The following SHE variants were observed in gnomAD, a reference collection of about 807,000 sequenced individuals.
The protein encoded by SHE is SH2 domain-containing adapter protein E.
A neutral mutation model predicts 49.8 loss-of-function variants in SHE; 11 were observed. The observed-to-expected ratio is 0.22, with a 90% CI of 0.14 to 0.37. The LOEUF (loss-of-function observed/expected upper bound fraction) is 0.37. Among genes scored for constraint, SHE ranks in the 10% least tolerant of loss-of-function variants. The pLI, the probability that SHE is intolerant of heterozygous loss-of-function variation, is 1.00. For synonymous variants in SHE, 310 were observed against 278.1 expected (o/e 1.11, Z -1.14); for missense variants, 624 against 655.5 (o/e 0.95, Z 0.52).
chr1:154,488,396 C>T (rs1403830951), intron 3 of SHE, among the ~76,000 whole-genome samples: 1 of 151,626 alleles, frequency 6.6e-6, no homozygotes, highest in Non-Finnish European at 1.5e-5. Context: ...GTAGCTGGGA[C>T]TACAGGTGTA....
At chr1:154,497,516 CTT>C (rs1240744400) in intron 2 of SHE, among the ~76,000 whole-genome samples, 1 of 152,198 alleles carries the variant, frequency 6.6e-6, no homozygotes, top group Non-Finnish European at 1.5e-5. Flanking sequence ...TTTACATCAA[CTT>C]AAGAGAATTA....
Position 154,501,942 on chromosome 1 carries a change from C to A in SHE, c.85G>T (p.Gly29Cys). ...LACSTAPTLL[G>C]RAGRGPLMAA... is the part of the protein sequence containing the mutation. Reference sequence around the variant, plus strand: ...ATGAGGGGGCCCCGGCCGGCTCGGCCCAGGAGCGTCGGGGCCGTGGAGCAG... The same window carrying A: ...ATGAGGGGGCCCCGGCCGGCTCGGCACAGGAGCGTCGGGGCCGTGGAGCAG... The change falls in exon 1 of 6, where the codon GGC becomes TGC. Residue 29 changes from glycine (G) to cysteine (C), a missense_variant. Physicochemically the swap from Gly to Cys is radical, Grantham distance 159 (BLOSUM62 -3). Coordinates refer to ENST00000304760, the MANE Select transcript of SHE (RefSeq NM_001010846.3). 6.8e-7 allele frequency: 1 copy of A among 1,460,778 alleles called. No individual in the cohort carries two copies. 90.5% of individuals were successfully genotyped at this position (1,460,778 alleles called of 1,614,324 possible). A position where few individuals can be genotyped will look rare whatever the true frequency, so the allele number is the denominator to read the frequency against.
Position 154,483,419 on chromosome 1 carries a change from T to A in SHE, c.*730A>T. The A allele has an allele frequency of 8.1e-6, 8 of 985,422 alleles. No homozygotes were observed. The highest frequency in any genetic ancestry group is 9.6e-6 in the Non-Finnish European group (8 of 829,932). The allele number at this position is 985,422 out of a possible 1,614,324, so 61.0% of individuals were successfully genotyped here. A position where few individuals can be genotyped will look rare whatever the true frequency, so the allele number is the denominator to read the frequency against. ...CATTTCCCCAATAACGAGTCCAATA[T>A]AACATCCTCTTCCAGTCTGCACCAT... On this transcript the variant is annotated 3_prime_UTR_variant, in exon 6 of 6. Coordinates refer to ENST00000304760, the MANE Select transcript of SHE (RefSeq NM_001010846.3).
In SHE at chr1:154,502,126, T is replaced by A. The variant is rs2149303455; in HGVS notation, c.-100A>T. ...GCCCACGCCCGGCAGGGTGGGGTTC[T>A]CACGGCTCGGGGCGCCGAGCGGGCG... On this transcript the variant is annotated 5_prime_UTR_variant, in exon 1 of 6. Transcript: ENST00000304760. 2.0e-6 allele frequency: 2 copies of A among 1,007,148 alleles called. No homozygotes were observed. The highest frequency in any genetic ancestry group is 5.0e-5 in the South Asian group (1 of 20,176). The allele number at this position is 1,007,148 out of a possible 1,614,324, so 62.4% of individuals were successfully genotyped here. A position where few individuals can be genotyped will look rare whatever the true frequency, so the allele number is the denominator to read the frequency against.
Position 154,481,783 on chromosome 1 carries a change from T to C in SHE, c.*2366A>G, listed in dbSNP as rs891338133. On this transcript the variant is annotated 3_prime_UTR_variant, in exon 6 of 6. Coordinates refer to ENST00000304760, the MANE Select transcript of SHE (RefSeq NM_001010846.3). ...CTTTTAAAATCTTACACTAAAGATA[T>C]AGTAAATGAACCAATACACACTGAA... 2.0e-5 allele frequency: 19 copies of C among 969,182 alleles called. No homozygotes were observed. The highest frequency in any genetic ancestry group is 3.5e-5 in the African/African-American group (2 of 56,904). 60.0% of individuals were successfully genotyped at this position (969,182 alleles called of 1,614,324 possible). A position where few individuals can be genotyped will look rare whatever the true frequency, so the allele number is the denominator to read the frequency against.
downstream of SHE, among the ~76,000 whole-genome samples, chr1:154,477,193 T>C (rs1031964890): frequency 5.3e-5 from 8 of 152,136 alleles, no homozygotes; most frequent in Non-Finnish European, 1.2e-4. Flanking sequence ...GAAAACCCAA[T>C]TCCTTTTTCC....
In SHE at chr1:154,480,342, T is replaced by C; in HGVS notation, c.*3807A>G. ...AGGAGGGAGAAACAAGGGGCTAACC[T>C]TTGACTGAAAAAGGGCATCTGACAG... On this transcript the variant is annotated 3_prime_UTR_variant, in exon 6 of 6. Coordinates refer to ENST00000304760, the MANE Select transcript of SHE (RefSeq NM_001010846.3). The C allele has an allele frequency of 1.0e-6, 1 of 985,400 alleles. No homozygotes were observed. Among genetic ancestry groups the C allele is most frequent in the Non-Finnish European group, 1.2e-6 (1 of 829,926 alleles). 61.0% of individuals were successfully genotyped at this position (985,400 alleles called of 1,614,324 possible).
rs565147308 is a variant in SHE at position 154,488,500 on chromosome 1, C to T, written c.1024+551G>A. On this transcript the variant is annotated intron_variant, in intron 3 of 5. Coordinates refer to ENST00000304760, the MANE Select transcript of SHE (RefSeq NM_001010846.3). ...TCTTGAACTCCTGACCTCAAGTGAT[C>T]CGCCTGCCTCAGCTCCCAAAGTGCA... Among the ~76,000 whole-genome samples the T allele has an allele frequency of 3.3e-5, 5 of 152,268 alleles. 1 individual carries two copies. Among genetic ancestry groups the T allele is most frequent in the African/African-American group, 1.2e-4 (5 of 41,538 alleles).
At chr1:154,475,565 A>AT (rs1335496776), downstream of SHE, among the ~76,000 whole-genome samples, 2 of 152,144 alleles carry the variant, frequency 1.3e-5, no homozygotes, top group Admixed American at 6.5e-5. Context: ...TACATATTTA[A>AT]TTTTTTTAAA....
At chr1:154,472,199 T>G (rs1234868726) in intron 1 of SHE, among the ~76,000 whole-genome samples, 1 of 152,148 alleles carries the variant, frequency 6.6e-6, no homozygotes, top group Non-Finnish European at 1.5e-5. Flanking sequence ...TGCTGCTCTA[T>G]AAGAGTTTTT....
chr1:154,485,351 C>G (rs1296458682), intron 5 of SHE: 1 of 152,552 alleles, frequency 6.6e-6, no homozygotes, highest in Non-Finnish European at 1.5e-5. Context: ...GCTGTTAGGG[C>G]TCTTGACAAT....
chr1:154,489,211 C>T lies in SHE; in HGVS notation c.864G>A (p.Gln288=), dbSNP rs1204811922. The T allele has an allele frequency of 6.2e-7, 1 of 1,614,112 alleles. No individual in the cohort carries two copies. The highest frequency in any genetic ancestry group is 1.3e-5 in the African/African-American group (1 of 74,944). The part of the protein sequence containing the change: ...SSKDLLGKPP[Q]LYDTPYEPAE... ...CAGGCTCGTAGGGAGTGTCGTATAG[C>T]TGTGGCGGCTTCCCCAGGAGGTCCT... The change falls in exon 3 of 6, where the codon CAG becomes CAA. Residue 288 remains glutamine, a synonymous_variant. Coordinates refer to ENST00000304760, the MANE Select transcript of SHE (RefSeq NM_001010846.3).
At chr1:154,498,009 TA>T (rs1692589069) in intron 2 of SHE, among the ~76,000 whole-genome samples, 1 of 151,998 alleles carries the variant, frequency 6.6e-6, no homozygotes. Context: ...TACTGCTTAG[TA>T]ATTAAATTCT....
rs766001138 is a variant in SHE at position 154,501,406 on chromosome 1, G to A, written c.591+30C>T. 1.7e-5 allele frequency: 27 copies of A among 1,603,758 alleles called. No individual in the cohort carries two copies. In the South Asian group the frequency reaches 2.8e-4, roughly 16 times the overall value. ...GCGCCCAGGGCTCCCCTTCGACTGA[G>A]AGGTGGTCCAAGGGAGGCTGTATTC... On this transcript the variant is annotated intron_variant, in intron 1 of 5. Coordinates refer to ENST00000304760, the MANE Select transcript of SHE (RefSeq NM_001010846.3).
At position 154,501,852 on chromosome 1, in the gene SHE, C is replaced by T; in HGVS notation, c.175G>A (p.Gly59Arg). ...TTGCGCAATTTGCCGCCGCCGCCCC[C>T]GGGCTTGGCCCGCTCCGACACGGTC... is the stretch of plus-strand genomic sequence containing the variant. ...LKTVSERAKP[G>R]GGGGKLRKNS... Residue 59 changes from glycine (G) to arginine (R), a missense_variant, in exon 1 of 6, where the codon GGG becomes AGG. By Grantham distance (125) the Gly-to-Arg change is moderately radical. This residue lies in a region of SHE where 337 missense variants were observed against 306.0 expected (regional missense o/e 1.10). Coordinates refer to ENST00000304760, the MANE Select transcript of SHE (RefSeq NM_001010846.3). 1 of 1,538,426 alleles carries T rather than the reference C, an allele frequency of 6.5e-7. No individual in the cohort carries two copies. Among genetic ancestry groups the T allele is most frequent in the Non-Finnish European group, 8.7e-7 (1 of 1,149,056 alleles).
chr1:154,501,970 G>C lies in SHE; in HGVS notation c.57C>G (p.Leu19=), dbSNP rs773633432. 4 of 1,424,750 alleles carry C rather than the reference G, an allele frequency of 2.8e-6. No individual in the cohort carries two copies. The South Asian group carries it at 5.9e-5, about 21-fold the overall frequency. 88.3% of individuals were successfully genotyped at this position (1,424,750 alleles called of 1,614,324 possible). A position where few individuals can be genotyped will look rare whatever the true frequency, so the allele number is the denominator to read the frequency against. Residue 19 remains leucine (L), a synonymous_variant, in exon 1 of 6, where the codon CTC becomes CTG. Coordinates refer to ENST00000304760, the MANE Select transcript of SHE (RefSeq NM_001010846.3). The part of the protein sequence containing the change: ...ASACLGWASS[L]ACSTAPTLLG... The stretch of plus-strand genomic sequence containing the variant: ...GGAGCGTCGGGGCCGTGGAGCAGGC[G>C]AGCGAGGAAGCCCAGCCCAGACACG...
In SHE at chr1:154,502,043, G is replaced by A. The variant is rs1692798083; in HGVS notation, c.-17C>T. 6.3e-6 allele frequency: 8 copies of A among 1,276,462 alleles called. No homozygotes were observed. Among genetic ancestry groups the A allele is most frequent in the Non-Finnish European group, 7.9e-6 (8 of 1,015,364 alleles). 79.1% of individuals were successfully genotyped at this position (1,276,462 alleles called of 1,614,324 possible). On this transcript the variant is annotated 5_prime_UTR_variant, in exon 1 of 6. Coordinates refer to ENST00000304760, the MANE Select transcript of SHE (RefSeq NM_001010846.3). Reference sequence around the variant, plus strand: ...CCACTGCATTCCCCGTGACTGGGGCGCTGGAGGCCGCGGCGAGGCCCCGCG... The same window carrying A: ...CCACTGCATTCCCCGTGACTGGGGCACTGGAGGCCGCGGCGAGGCCCCGCG...
Position 154,501,524 on chromosome 1 carries a change from C to A in SHE, c.503G>T (p.Ser168Ile), listed in dbSNP as rs892936298. The change falls in exon 1 of 6, where the codon AGC becomes ATC. Residue 168 changes from serine to isoleucine, a missense_variant. By Grantham distance (142) the Ser-to-Ile change is moderately radical. Around this residue, in one of 4 missense-constraint regions of SHE, gnomAD observed 337 missense variants for 306.0 expected, o/e 1.10. Transcript: ENST00000304760. ...GGACGCGGAGGAAGAGGAGCTGGAG[C>A]TGGAGCTACTGCTGCTGGGGTAGTT... is the stretch of plus-strand genomic sequence containing the variant. Reference protein sequence around the residue: ...KSNYPSSSSSSSSSSSSASSS... With the variant: ...KSNYPSSSSSISSSSSSASSS... The A allele has an allele frequency of 4.3e-6, 7 of 1,614,086 alleles. No homozygotes were observed. The African/African-American group carries it at 8.0e-5, about 18-fold the overall frequency.
At chr1:154,470,460 A>AT in intron 1 of SHE, 7 of 1,131,494 alleles carry the variant, frequency 6.2e-6, no homozygotes, top group Non-Finnish European at 8.3e-6. Context: ...ACCTTTCTGA[A>AT]TATCTGTGAG....
Sources: allele counts gnomAD v4.1 joint callset (sites outside exome capture counted in the v4.1 genomes callset), GRCh38; gene constraint gnomAD v4.1.1; regional missense constraint gnomAD v4.1.1; transcripts MANE v1.5; gene names NCBI Gene and HGNC (gene_info 2026-07-23, HGNC 2026-07-21).